Variants in SETBP1 observed in about 807,000 individuals in gnomAD.
The protein encoded by SETBP1 is SET binding protein 1.
A neutral mutation model predicts 101.0 loss-of-function variants in SETBP1; 9 were observed. The observed-to-expected ratio is 0.09, with a 90% CI of 0.05 to 0.16. The LOEUF is 0.16. Among genes scored for constraint, SETBP1 ranks in the 10% least tolerant of loss-of-function variants. The probability of loss-of-function intolerance (pLI) is 1.00; values close to 1 mark genes in which losing one functional copy is unlikely to be tolerated. For missense variants in SETBP1, 1,858 were observed against 2,033.8 expected, an observed-to-expected ratio of 0.91 and a Z score of 1.66; for synonymous variants, 818 against 788.5, an observed-to-expected ratio of 1.04 and a Z score of -0.63.
chr18:44,708,890 C>T lies in SETBP1; in HGVS notation c.486+7058C>T, dbSNP rs1286291342. 3.3e-5 allele frequency among the ~76,000 whole-genome samples: 5 copies of T among 152,294 alleles called. No individual in the cohort carries two copies. In the South Asian group the frequency reaches 1.0e-3, roughly 32 times the overall value. On this transcript the variant is annotated intron_variant, in intron 2 of 5. Coordinates refer to ENST00000649279, the MANE Select transcript of SETBP1 (RefSeq NM_015559.3). ...GCAAGTGTTTCTCTTTAAGAACGCTCATTACTATAAACAGATTTTTGACCT... is the reference window on the plus strand; with the variant it reads ...GCAAGTGTTTCTCTTTAAGAACGCTTATTACTATAAACAGATTTTTGACCT...
intron 2 of SETBP1, among the ~76,000 whole-genome samples, chr18:44,728,896 G>C (rs1421893381): frequency 6.6e-6 from 1 of 152,244 alleles, no homozygotes; most frequent in African/African-American, 2.4e-5. Flanking sequence ...GGGAGCAGAG[G>C]TAAGAACTAG....
At chr18:45,011,135 T>TA (rs1483766923) in intron 4 of SETBP1, among the ~76,000 whole-genome samples, 1 of 152,140 alleles carries the variant, frequency 6.6e-6, no homozygotes, top group Non-Finnish European at 1.5e-5. Context: ...CGTGAAAACA[T>TA]AAATCACAAA....
chr18:44,694,080 A>G (rs1387523380), intron 1 of SETBP1, among the ~76,000 whole-genome samples: 1 of 152,178 alleles, frequency 6.6e-6, no homozygotes, highest in Non-Finnish European at 1.5e-5. Context: ...TTGTGAATCC[A>G]ACAGAAAAGA....
At chr18:44,971,905 CT>C (rs1322216036) in intron 4 of SETBP1, among the ~76,000 whole-genome samples, 1 of 152,126 alleles carries the variant, frequency 6.6e-6, no homozygotes, top group Non-Finnish European at 1.5e-5. Context: ...TCAATTTTGG[CT>C]TTTGTTGCCA....
chr18:45,010,216 G>A (rs1473163271), intron 4 of SETBP1, among the ~76,000 whole-genome samples: 4 of 152,152 alleles, frequency 2.6e-5, no homozygotes, highest in Admixed American at 2.6e-4. Context: ...GAGACATCAA[G>A]GGTGGCTTAA....
Position 45,038,674 on chromosome 18 carries a change from C to T in SETBP1, c.4171+19C>T. On this transcript the variant is annotated intron_variant, in intron 5 of 5. Transcript: ENST00000649279. ...GATGCAGGTGAGCACTTTTCAGATG[C>T]TTTGGGTTCACCCCAAGCAAGATGA... The T allele has an allele frequency of 1.2e-6, 2 of 1,613,264 alleles. No individual in the cohort carries two copies. The highest frequency in any genetic ancestry group is 1.3e-5 in the African/African-American group (1 of 75,022).
At chr18:44,723,334 G>T (rs1012445486) in intron 2 of SETBP1, among the ~76,000 whole-genome samples, 1 of 152,082 alleles carries the variant, frequency 6.6e-6, no homozygotes, top group Non-Finnish European at 1.5e-5. Context: ...ATTTGAGAGG[G>T]TCACACTGTT....
At chr18:44,933,755 C>T (rs745308363) in intron 3 of SETBP1, among the ~76,000 whole-genome samples, 11 of 152,198 alleles carry the variant, frequency 7.2e-5, no homozygotes, top group Non-Finnish European at 7.3e-5. Flanking sequence ...GAGCCAGGCA[C>T]GGGATATAAT....
At chr18:44,852,366 C>A (rs1191659882) in intron 2 of SETBP1, among the ~76,000 whole-genome samples, 3 of 152,192 alleles carry the variant, frequency 2.0e-5, no homozygotes, top group Non-Finnish European at 4.4e-5. Context: ...GTTGTGCCCC[C>A]ACGTTCTGCA....
At chr18:44,844,589 T>C (rs2072688262) in intron 2 of SETBP1, among the ~76,000 whole-genome samples, 1 of 152,184 alleles carries the variant, frequency 6.6e-6, no homozygotes, top group African/African-American at 2.4e-5. Context: ...GAGGTCAGTT[T>C]GGATTGCTCC....
intron 2 of SETBP1, among the ~76,000 whole-genome samples, chr18:44,702,165 T>C (rs1309094812): frequency 6.6e-6 from 1 of 152,150 alleles, no homozygotes; most frequent in Non-Finnish European, 1.5e-5. Context: ...AAAAAATATA[T>C]TTGCTATTTA....
intron 4 of SETBP1, among the ~76,000 whole-genome samples, chr18:44,957,550 T>A (rs1022788696): frequency 6.6e-6 from 1 of 152,268 alleles, no homozygotes; most frequent in South Asian, 2.1e-4. Context: ...AATTCTGCCA[T>A]GTAGGTAGCT....
At chr18:44,788,892 G>T (rs1319237594) in intron 2 of SETBP1, among the ~76,000 whole-genome samples, 1 of 149,790 alleles carries the variant, frequency 6.7e-6, no homozygotes, top group Non-Finnish European at 1.5e-5. Flanking sequence ...CGATCTCCTG[G>T]GCTCAGGTGA....
At chr18:44,939,096 A>G (rs2071027882) in intron 3 of SETBP1, among the ~76,000 whole-genome samples, 2 of 152,138 alleles carry the variant, frequency 1.3e-5, no homozygotes, top group Admixed American at 1.3e-4. Flanking sequence ...AAATGTACAT[A>G]TACTGAAATG....
chr18:45,051,001 T>C (rs1375209824), intron 5 of SETBP1, among the ~76,000 whole-genome samples: 2 of 152,210 alleles, frequency 1.3e-5, no homozygotes, highest in Non-Finnish European at 2.9e-5. Flanking sequence ...GTTAAGTGAT[T>C]TGGGCTTTAC....
intron 2 of SETBP1, among the ~76,000 whole-genome samples, chr18:44,720,560 G>A (rs2069564373): frequency 6.6e-6 from 1 of 152,186 alleles, no homozygotes; most frequent in African/African-American, 2.4e-5. Flanking sequence ...GACTTGTCTG[G>A]CTTTTGGGGA....
chr18:44,865,740 G>A (rs2069114417), intron 2 of SETBP1, among the ~76,000 whole-genome samples: 1 of 67,938 alleles, frequency 1.5e-5, no homozygotes, highest in African/African-American at 6.2e-5. Context: ...AAGGCAGAAG[G>A]CCAGAAAAGC....
intron 2 of SETBP1, among the ~76,000 whole-genome samples, chr18:44,758,156 G>A (rs1310139213): frequency 2.6e-5 from 4 of 152,100 alleles, no homozygotes; most frequent in Non-Finnish European, 5.9e-5. Context: ...GGTTAGTCTG[G>A]ACATAGATTA....
chr18:44,962,825 G>T (rs111866602), intron 4 of SETBP1, among the ~76,000 whole-genome samples: 1 of 152,114 alleles, frequency 6.6e-6, no homozygotes, highest in Non-Finnish European at 1.5e-5. Context: ...TCTTCAGTGC[G>T]GGGGCTGGGG....
Sources: gnomAD v4.1 joint callset for allele counts (sites outside exome capture counted in the v4.1 genomes callset) on GRCh38, gnomAD v4.1.1 for gene constraint, MANE v1.5 for transcripts, NCBI Gene and HGNC (gene_info 2026-07-23, HGNC 2026-07-21) for gene names.